Variants in RANBP2 observed in about 807,000 individuals in gnomAD.
The protein encoded by RANBP2 is E3 SUMO-protein ligase RanBP2.
A neutral mutation model predicts 303.6 loss-of-function variants in RANBP2; 57 were observed. The ratio of observed to expected loss-of-function variants is 0.19; its 90% CI spans 0.15 to 0.23. The LOEUF (loss-of-function observed/expected upper bound fraction) is 0.23. RANBP2 is among the 10% of genes least tolerant of loss of function. The pLI, the probability that RANBP2 is intolerant of heterozygous loss-of-function variation, is 1.00. For missense variants in RANBP2, 3,138 were observed against 3,780.8 expected, an observed-to-expected ratio of 0.83 and a Z score of 4.46; for synonymous variants, 1,167 against 1,301.5, an observed-to-expected ratio of 0.90 and a Z score of 2.23.
chr2:108,938,786 TC>T, the RANBP2 span, among the ~76,000 whole-genome samples: 2,755 of 130,564 alleles, frequency 0.021, 31 homozygotes, highest in African/African-American at 0.075. Context: ...TAGGACTTCT[TC>T]CCCCCCCGCC....
the RANBP2 span, among the ~76,000 whole-genome samples, chr2:109,194,761 T>G: frequency 6.6e-6 from 1 of 152,152 alleles, no homozygotes; most frequent in African/African-American, 2.4e-5. Context: ...TCCTGAATGC[T>G]CAAGCTCTGC....
At chr2:109,705,400 C>CT in the RANBP2 span, among the ~76,000 whole-genome samples, 14 of 152,192 alleles carry the variant, frequency 9.2e-5, no homozygotes, top group Non-Finnish European at 2.9e-5. Context: ...GAGCAAAACT[C>CT]TGTCACACAC....
At chr2:108,861,334 CTG>C in the RANBP2 span, among the ~76,000 whole-genome samples, 2 of 151,770 alleles carry the variant, frequency 1.3e-5, no homozygotes, top group East Asian at 3.9e-4. Flanking sequence ...TCATTTAGTT[CTG>C]CTGTTTTTAT....
chr2:109,561,545 A>G, the RANBP2 span, among the ~76,000 whole-genome samples: 1 of 152,136 alleles, frequency 6.6e-6, no homozygotes, highest in Non-Finnish European at 1.5e-5. Flanking sequence ...TTCACTGCTG[A>G]CTCCCAAATT....
the RANBP2 span, among the ~76,000 whole-genome samples, chr2:109,461,318 A>G: frequency 6.6e-6 from 1 of 152,246 alleles, no homozygotes; most frequent in African/African-American, 2.4e-5. Flanking sequence ...ACCAAGAACT[A>G]TCTCTCAGAA....
At chr2:108,719,720 G>A (rs1472782894) in intron 1 of RANBP2, 42 bp downstream of exon 1, 2 of 1,560,170 alleles carry the variant, frequency 1.3e-6, no homozygotes, top group South Asian at 1.2e-5. Flanking sequence ...GACCTGGCCG[G>A]GCGGCGGCCT....
the RANBP2 span, chr2:108,894,441 AAG>A: frequency 6.6e-6 from 1 of 152,450 alleles, no homozygotes; most frequent in African/African-American, 2.4e-5. Context: ...CCCAAATACA[AAG>A]AGAGCTCACA....
At chr2:109,660,598 C>T in the RANBP2 span, among the ~76,000 whole-genome samples, 1 of 152,218 alleles carries the variant, frequency 6.6e-6, no homozygotes, top group Non-Finnish European at 1.5e-5. Flanking sequence ...AAGTAGTCCC[C>T]ATGCCAGGAG....
At chr2:108,822,928 A>G in the RANBP2 span, among the ~76,000 whole-genome samples, 1 of 152,206 alleles carries the variant, frequency 6.6e-6, no homozygotes, top group Non-Finnish European at 1.5e-5. Context: ...GGGAGAAAGA[A>G]GACTGGAATA....
Position 108,758,415 on chromosome 2 carries a change from A to G in RANBP2, c.2469A>G (p.Lys823=), listed in dbSNP as rs763497305. The G allele has an allele frequency of 2.5e-6, 4 of 1,611,806 alleles. No individual in the cohort carries two copies. The African/African-American group carries it at 5.3e-5, about 22-fold the overall frequency. Residue 823 remains lysine, a splice_region_variant and synonymous_variant, in exon 18 of 29, where the codon AAA becomes AAG. Coordinates refer to ENST00000283195, the MANE Select transcript of RANBP2 (RefSeq NM_006267.5). The part of the protein sequence containing the change: ...MICQQVEAIK[K]EMQELKLNSS... ...TTGATTTTTTTTTCTTCCAATAGAA[A>G]GAAATGCAGGAGTTGAAACTAAATA...
At chr2:109,614,050 C>G in the RANBP2 span, 2 of 1,211,944 alleles carry the variant, frequency 1.7e-6, no homozygotes, top group African/African-American at 3.1e-5. Context: ...TTTGCCTGCG[C>G]CAAGCGAGCC....
the RANBP2 span, among the ~76,000 whole-genome samples, chr2:108,969,226 C>T: frequency 6.6e-5 from 10 of 151,300 alleles, no homozygotes; most frequent in East Asian, 1.7e-3. Context: ...TTTTTTTTTC[C>T]TGCTCTTCTC....
At position 108,758,686 on chromosome 2, in the gene RANBP2, A is replaced by G. The variant is rs1573793493; in HGVS notation, c.2602+138A>G. 3.4e-6 allele frequency: 5 copies of G among 1,485,982 alleles called. No homozygotes were observed. The South Asian group carries it at 5.1e-5, about 15-fold the overall frequency. 92.0% of individuals were successfully genotyped at this position (1,485,982 alleles called of 1,614,324 possible). A position where few individuals can be genotyped will look rare whatever the true frequency, so the allele number is the denominator to read the frequency against. The stretch of plus-strand genomic sequence containing the variant: ...CAACGTCTGTTTATATGTGACTTCA[A>G]AAGCTGTATTTGGTGTTACGGAGAT... On this transcript the variant is annotated intron_variant, in intron 18 of 28. Transcript: ENST00000283195.
chr2:109,565,052 C>T, the RANBP2 span, among the ~76,000 whole-genome samples: 1 of 152,182 alleles, frequency 6.6e-6, no homozygotes, highest in African/African-American at 2.4e-5. Context: ...AACACACTTA[C>T]ATGATCCTTC....
the RANBP2 span, among the ~76,000 whole-genome samples, chr2:108,850,059 T>C: frequency 6.6e-6 from 1 of 152,194 alleles, no homozygotes; most frequent in Admixed American, 6.5e-5. Context: ...TAGGAAGAAA[T>C]GTCAGAGCCA....
chr2:109,309,383 G>T, the RANBP2 span, among the ~76,000 whole-genome samples: 36,654 of 136,416 alleles, frequency 0.27, 6,504 homozygotes, highest in African/African-American at 0.5. Flanking sequence ...ACCGGTACCA[G>T]CTGCTGCAAA....
the RANBP2 span, among the ~76,000 whole-genome samples, chr2:108,800,184 A>AAGG: frequency 2.0e-5 from 3 of 152,180 alleles, no homozygotes; most frequent in Non-Finnish European, 4.4e-5. Context: ...TAATGCATAG[A>AAGG]TTTTGGGTTC....
rs983129815 is a variant in RANBP2 at position 108,765,101 on chromosome 2, T to C, written c.4562T>C (p.Phe1521Ser). ...ACTTCTATTCCAACACCTGCCTCTT[T>C]TAAGTTTGGTACTTCAGAGACAAGT... ...PATSIPTPAS[F>S]KFGTSETSKT... Residue 1521 changes from phenylalanine (F) to serine (S), a missense_variant, in exon 20 of 29, where the codon TTT becomes TCT. By Grantham distance (155) the Phe-to-Ser change is radical. Transcript: ENST00000283195. 1.2e-6 allele frequency: 2 copies of C among 1,613,880 alleles called. No homozygotes were observed. Among genetic ancestry groups the C allele is most frequent in the Admixed American group, 1.7e-5 (1 of 59,992 alleles).
the RANBP2 span, among the ~76,000 whole-genome samples, chr2:109,126,977 C>T: frequency 1.3e-5 from 2 of 152,308 alleles, no homozygotes; most frequent in South Asian, 2.1e-4. Context: ...CCCCTTGTTC[C>T]TGAGCAAGGG....
Sources: gnomAD v4.1 joint callset for allele counts (sites outside exome capture counted in the v4.1 genomes callset) on GRCh38, gnomAD v4.1.1 for gene constraint, MANE v1.5 for transcripts, NCBI Gene and HGNC (gene_info 2026-07-23, HGNC 2026-07-21) for gene names.